Variants in HMGCLL1 observed in about 807,000 individuals in gnomAD.
HMGCLL1 encodes 3-hydroxy-3-methylglutaryl-CoA lyase like 1.
In HMGCLL1, 36 loss-of-function variants were observed where a neutral mutation model predicts 39.1. The ratio of observed to expected loss-of-function variants is 0.92; its 90% confidence interval spans 0.71 to 1.22. The LOEUF (loss-of-function observed/expected upper bound fraction) is 1.22, where lower values mean the gene tolerates loss of function less well. HMGCLL1 is among the 50% of genes most tolerant of loss of function. The pLI, the probability that HMGCLL1 is intolerant of heterozygous loss-of-function variation, is 0.00. For synonymous variants in HMGCLL1, 149 were observed against 144.0 expected, an observed-to-expected ratio of 1.03 and a Z score of -0.25; for missense variants, 451 against 416.5, an observed-to-expected ratio of 1.08 and a Z score of -0.72.
upstream of HMGCLL1, among the ~76,000 whole-genome samples, chr6:55,580,314 C>T (rs1771952870): frequency 8.1e-6 from 1 of 123,988 alleles, no homozygotes; most frequent in African/African-American, 3.1e-5. Flanking sequence ...GTAGATCCTT[C>T]GGTAAAACTG....
Position 55,555,444 on chromosome 6 carries a change from T to C in HMGCLL1, c.109-13304A>G, listed in dbSNP as rs111701539. 7.6e-3 allele frequency among the ~76,000 whole-genome samples: 1,152 copies of C among 152,366 alleles called. 17 individuals are homozygous for C. Among genetic ancestry groups the C allele is most frequent in the African/African-American group, 0.026 (1,070 of 41,578 alleles). On this transcript the variant is annotated intron_variant, in intron 1 of 8. Transcript: ENST00000274901. ...GCACTCATCATCAGCATGTTATATATGCATCTATTTGTTTGTCTATTTCCT... is the reference window on the plus strand; with the variant it reads ...GCACTCATCATCAGCATGTTATATACGCATCTATTTGTTTGTCTATTTCCT...
chr6:55,634,988 A>AG, the HMGCLL1 span, among the ~76,000 whole-genome samples: 1 of 152,210 alleles, frequency 6.6e-6, no homozygotes, highest in African/African-American at 2.4e-5. Context: ...TAAATCCCTG[A>AG]ATATAAAAAC....
In HMGCLL1 at chr6:55,514,130, T is replaced by C. The variant is rs773175695; in HGVS notation, c.460A>G (p.Ile154Val). Residue 154 changes from isoleucine (I) to valine (V), a missense_variant, in exon 5 of 9, where the codon ATT (isoleucine) becomes GTT (valine). Transcript: ENST00000274901. ...AASESFSKKN[I>V]NCSIEESMGK... ...ATACTTTCTTCAATGGAACAGTTAA[T>C]ATTCTTCTTGCTAAAGGATTCAGAT... 16 of 1,612,800 alleles carry C rather than the reference T, an allele frequency of 9.9e-6. No homozygotes were observed. The highest frequency in any genetic ancestry group is 1.7e-5 in the Admixed American group (1 of 59,900).
intron 4 of HMGCLL1, 108 bp downstream of exon 4, chr6:55,516,400 T>C (rs1285896924): frequency 1.1e-5 from 7 of 617,950 alleles, no homozygotes; most frequent in East Asian, 2.7e-5. Flanking sequence ...TACATTAGCA[T>C]AGTATTTGTA....
chr6:55,551,923 G>C (rs1476789215), intron 1 of HMGCLL1, among the ~76,000 whole-genome samples: 1 of 151,896 alleles, frequency 6.6e-6, no homozygotes, highest in Non-Finnish European at 1.5e-5. Context: ...TTCTCTCAGT[G>C]CTATATTCAT....
At chr6:55,589,851 T>C in the HMGCLL1 span, among the ~76,000 whole-genome samples, 1 of 151,710 alleles carries the variant, frequency 6.6e-6, no homozygotes, top group Non-Finnish European at 1.5e-5. Flanking sequence ...ACAAGGGAGG[T>C]GAAGGACCTC....
At chr6:55,653,175 A>G in the HMGCLL1 span, among the ~76,000 whole-genome samples, 25 of 152,212 alleles carry the variant, frequency 1.6e-4, no homozygotes, top group Middle Eastern at 3.4e-3. Context: ...CCAAAAGTTC[A>G]TAGCATTCAG....
At chr6:55,442,730 GACAAGCTT>G (rs1280496694) in intron 7 of HMGCLL1, among the ~76,000 whole-genome samples, 1 of 152,056 alleles carries the variant, frequency 6.6e-6, no homozygotes, top group Non-Finnish European at 1.5e-5. Flanking sequence ...ATAATGATCT[GACAAGCTT>G]AGTCATATTC....
chr6:55,635,411 G>A, the HMGCLL1 span, among the ~76,000 whole-genome samples: 1 of 151,758 alleles, frequency 6.6e-6, no homozygotes, highest in Admixed American at 6.6e-5. Flanking sequence ...CTGTTTTGAG[G>A]GCCAAGCCAA....
the HMGCLL1 span, among the ~76,000 whole-genome samples, chr6:55,653,088 A>G: frequency 6.6e-6 from 1 of 152,054 alleles, no homozygotes; most frequent in Non-Finnish European, 1.5e-5. Context: ...TGAAATCCAT[A>G]TCCAACTTGA....
chr6:55,473,258 T>C (rs1765125247), intron 7 of HMGCLL1, among the ~76,000 whole-genome samples: 1 of 151,506 alleles, frequency 6.6e-6, no homozygotes, highest in African/African-American at 2.4e-5. Context: ...AGTTGGATTA[T>C]AGGTGGATTA....
chr6:55,503,364 A>G lies in HMGCLL1; in HGVS notation c.543-4065T>C, dbSNP rs577188783. Reference sequence around the variant, plus strand: ...CAGAACATTGAATTTTTTCCCATGTAGATATTAAAATCCCATTACTACACT... The same window carrying G: ...CAGAACATTGAATTTTTTCCCATGTGGATATTAAAATCCCATTACTACACT... On this transcript the variant is annotated intron_variant, in intron 5 of 8. Coordinates refer to ENST00000274901, the MANE Select transcript of HMGCLL1 (RefSeq NM_001042406.2). Among the ~76,000 whole-genome samples the G allele has an allele frequency of 7.1e-4, 108 of 151,894 alleles. 1 individual carries two copies. The highest frequency in any genetic ancestry group is 2.6e-3 in the African/African-American group (107 of 41,498).
chr6:55,447,769 A>G (rs1377427933), intron 7 of HMGCLL1, among the ~76,000 whole-genome samples: 1 of 152,146 alleles, frequency 6.6e-6, no homozygotes, highest in Non-Finnish European at 1.5e-5. Flanking sequence ...ACTCATGAGT[A>G]AACTGAGGTT....
At chr6:55,455,712 C>T (rs1354587537) in intron 7 of HMGCLL1, among the ~76,000 whole-genome samples, 1 of 152,106 alleles carries the variant, frequency 6.6e-6, no homozygotes, top group African/African-American at 2.4e-5. Flanking sequence ...AACTCTCTAG[C>T]CATTTAATGC....
chr6:55,491,702 C>T (rs931977756), intron 7 of HMGCLL1, among the ~76,000 whole-genome samples: 3 of 152,178 alleles, frequency 2.0e-5, no homozygotes, highest in Non-Finnish European at 4.4e-5. Context: ...TAAATTTTTA[C>T]ATTAAAAATT....
intron 7 of HMGCLL1, among the ~76,000 whole-genome samples, chr6:55,474,781 G>T (rs2127406090): frequency 6.6e-6 from 1 of 151,690 alleles, no homozygotes; most frequent in Non-Finnish European, 1.5e-5. Flanking sequence ...ATGTTTATCT[G>T]GCTAGGAGTT....
At chr6:55,672,034 T>C in the HMGCLL1 span, among the ~76,000 whole-genome samples, 10 of 151,888 alleles carry the variant, frequency 6.6e-5, no homozygotes, top group Admixed American at 4.6e-4. Context: ...TAATATTGAT[T>C]ACCTCTGGGA....
chr6:55,519,763 G>C (rs571437641), intron 3 of HMGCLL1, among the ~76,000 whole-genome samples: 1 of 152,118 alleles, frequency 6.6e-6, no homozygotes, highest in South Asian at 2.1e-4. Context: ...GATAACAAAA[G>C]TTAATAAAGA....
chr6:55,460,272 T>C (rs934501623), intron 7 of HMGCLL1, among the ~76,000 whole-genome samples: 1 of 151,966 alleles, frequency 6.6e-6, no homozygotes, highest in African/African-American at 2.4e-5. Context: ...AGTATAGCTA[T>C]ATTCACAAAG....
Sources: allele counts gnomAD v4.1 joint callset (sites outside exome capture counted in the v4.1 genomes callset), GRCh38; gene constraint gnomAD v4.1.1; transcripts MANE v1.5; gene names NCBI Gene and HGNC (gene_info 2026-07-23, HGNC 2026-07-21).